The following DSCAML1 variants were observed in gnomAD, a reference collection of about 807,000 sequenced individuals.
DSCAML1 encodes cell adhesion molecule DSCAML1.
DSCAML1 carries 38 observed loss-of-function variants against 200.5 expected under a neutral mutation model. The ratio of observed to expected loss-of-function variants is 0.19; its 90% CI spans 0.15 to 0.25. The LOEUF (loss-of-function observed/expected upper bound fraction) is 0.25, where lower values mean the gene tolerates loss of function less well. Ranked by LOEUF, DSCAML1 falls within the 10% of genes least tolerant of loss-of-function variation. The pLI, the probability that DSCAML1 is intolerant of heterozygous loss-of-function variation, is 1.00. For missense variants in DSCAML1, 2,223 were observed against 2,858.8 expected, an observed-to-expected ratio of 0.78 and a Z score of 5.07; for synonymous variants, 1,215 against 1,165.0, an observed-to-expected ratio of 1.04 and a Z score of -0.87.
chr11:117,569,576 T>C (rs1007505264), intron 3 of DSCAML1, among the ~76,000 whole-genome samples: 1 of 152,206 alleles, frequency 6.6e-6, no homozygotes, highest in Non-Finnish European at 1.5e-5. Context: ...CCCTGCCTAC[T>C]TCCTTTCTAT....
chr11:117,785,093 T>G (rs1000386572), intron 1 of DSCAML1, among the ~76,000 whole-genome samples: 1 of 152,058 alleles, frequency 6.6e-6, no homozygotes, highest in East Asian at 1.9e-4. Context: ...ATTCATTGCC[T>G]CAGGAGATAT....
rs772802859 is a variant in DSCAML1 at position 117,469,898 on chromosome 11, A to G, written c.3024+12T>C. The G allele has an allele frequency of 1.2e-6, 2 of 1,601,658 alleles. No homozygotes were observed. Among genetic ancestry groups the G allele is most frequent in the South Asian group, 2.3e-5 (2 of 88,756 alleles). On this transcript the variant is annotated intron_variant, in intron 16 of 32. Transcript: ENST00000651296. This position sits in a 1 kb window ranked among gnomAD's most constrained non-coding sequence, Gnocchi z 4.1. ...GCAGACATTCCAGGGGAGATGCCTTAGACACACTTACCTTCCAGGTCACCT... is the reference window on the plus strand; with the variant it reads ...GCAGACATTCCAGGGGAGATGCCTTGGACACACTTACCTTCCAGGTCACCT...
At chr11:117,770,385 C>G (rs1055723662) in intron 3 of DSCAML1, among the ~76,000 whole-genome samples, 31 of 152,120 alleles carry the variant, frequency 2.0e-4, no homozygotes, top group African/African-American at 7.5e-4. Context: ...GAGCTTAGGT[C>G]CCCAGTTCTA....
rs1357550680 is a variant in DSCAML1, at chr11:117,482,146, A to G, written c.2376T>C (p.Thr792=). ...TGGCGATGGTGGTGTTGGGGTGGGA[A>G]GTGATCATGGCCGGGACTGGGGGGC... The part of the protein sequence containing the change: ...FLTVKIPAMI[T]SHPNTTIAIK... The change falls in exon 12 of 33, where the codon ACT becomes ACC. Residue 792 remains threonine, a synonymous_variant. Coordinates refer to ENST00000651296, the MANE Select transcript of DSCAML1 (RefSeq NM_020693.4). 6.2e-7 allele frequency: 1 copy of G among 1,614,068 alleles called. No individual in the cohort carries two copies. Among genetic ancestry groups the G allele is most frequent in the South Asian group, 1.1e-5 (1 of 91,082 alleles).
At chr11:117,653,782 T>C (rs11216487) in intron 3 of DSCAML1, among the ~76,000 whole-genome samples, 6,119 of 152,234 alleles carry the variant, frequency 0.04, 170 homozygotes, top group African/African-American at 0.073. Flanking sequence ...TTACTCACAA[T>C]AGGCAAAAGG....
At chr11:117,778,309 G>A (rs1442418463) in intron 2 of DSCAML1, among the ~76,000 whole-genome samples, 1 of 152,220 alleles carries the variant, frequency 6.6e-6, no homozygotes, top group Non-Finnish European at 1.5e-5. Context: ...GAGCACAGAG[G>A]AGAACAAGGG....
intron 3 of DSCAML1, among the ~76,000 whole-genome samples, chr11:117,753,262 C>T (rs563778538): frequency 5.3e-5 from 8 of 152,188 alleles, no homozygotes; most frequent in South Asian, 2.1e-4. Context: ...ATGATGGTGA[C>T]GAAGGAGAGG....
chr11:117,753,489 A>T (rs1279175849), intron 3 of DSCAML1, among the ~76,000 whole-genome samples: 1 of 152,210 alleles, frequency 6.6e-6, no homozygotes, highest in East Asian at 1.9e-4. Flanking sequence ...TTCAAATGAG[A>T]AAAGGAGAAG....
At chr11:117,456,671 C>CTTTTTTTTTTTTTTTTTT (rs10661996) in intron 19 of DSCAML1, among the ~76,000 whole-genome samples, 1 of 142,138 alleles carries the variant, frequency 7.0e-6, no homozygotes, top group Non-Finnish European at 1.5e-5. Context: ...GCAGTCATTT[C>CTTTTTTTTTTTTTTTTTT]TTTTTTTTTT....
chr11:117,431,591 G>A lies in DSCAML1; in HGVS notation c.5317C>T (p.His1773Tyr). 2 of 1,612,014 alleles carry A rather than the reference G, an allele frequency of 1.2e-6. No homozygotes were observed. The highest frequency in any genetic ancestry group is 1.7e-6 in the Non-Finnish European group (2 of 1,178,882). The change falls in exon 31 of 33, where the codon CAT becomes TAT. Residue 1773 changes from histidine (H) to tyrosine (Y), a missense_variant. His to Tyr is a moderately conservative substitution (Grantham distance 83). This residue lies in a region of DSCAML1 where 614 missense variants were observed against 739.1 expected (regional missense o/e 0.83). Transcript: ENST00000651296. ...TCACTCTCAGTGACCGTGACACCATGCTGGGAGCCCACGGTGCGCCAGTCG... is the reference window on the plus strand; with the variant it reads ...TCACTCTCAGTGACCGTGACACCATACTGGGAGCCCACGGTGCGCCAGTCG... ...TSDWRTVGSQ[H>Y]GVTVTESDSY...
intron 20 of DSCAML1, among the ~76,000 whole-genome samples, chr11:117,448,533 G>A (rs996557779): frequency 2.0e-5 from 3 of 151,974 alleles, no homozygotes; most frequent in Non-Finnish European, 4.4e-5. Flanking sequence ...AACGTGCCAC[G>A]GGAAGAAGCC....
chr11:117,619,614 CAT>C (rs904814443), intron 3 of DSCAML1, among the ~76,000 whole-genome samples: 1 of 152,050 alleles, frequency 6.6e-6, no homozygotes, highest in African/African-American at 2.4e-5. Context: ...TTATGGATAA[CAT>C]ATTTTGATTC....
chr11:117,735,143 A>T (rs2054294650), intron 3 of DSCAML1, among the ~76,000 whole-genome samples: 1 of 152,142 alleles, frequency 6.6e-6, no homozygotes, highest in Non-Finnish European at 1.5e-5. Context: ...ACCCCGTAGC[A>T]TCCCCCTTCC....
intron 1 of DSCAML1, among the ~76,000 whole-genome samples, chr11:117,812,038 C>T (rs932220157): frequency 3.9e-5 from 6 of 152,092 alleles, no homozygotes; most frequent in African/African-American, 1.4e-4. Context: ...CTTATTAGGC[C>T]GAGATATTTT....
chr11:117,714,057 C>T (rs186141079), intron 3 of DSCAML1, among the ~76,000 whole-genome samples: 212 of 152,280 alleles, frequency 1.4e-3, no homozygotes, highest in African/African-American at 4.6e-3. Context: ...CCTGAGTCCG[C>T]GTTTCTGCAT....
At position 117,572,161 on chromosome 11, in the gene DSCAML1, C is replaced by T. The variant is rs555802715; in HGVS notation, c.512-39639G>A. On this transcript the variant is annotated intron_variant, in intron 3 of 32. Transcript: ENST00000651296. ...CAAAGTTGCTTTCACTTTATGGACT[C>T]GCCCTGAATTCTTTCTTGCACGAGA... Among the ~76,000 whole-genome samples, 117 of 152,310 alleles carry T rather than the reference C, an allele frequency of 7.7e-4. 1 individual carries two copies. Among genetic ancestry groups the T allele is most frequent in the Non-Finnish European group, 1.4e-3 (96 of 68,032 alleles).
intron 3 of DSCAML1, among the ~76,000 whole-genome samples, chr11:117,673,636 CCTGT>C (rs1366222582): frequency 6.6e-6 from 1 of 152,176 alleles, no homozygotes; most frequent in African/African-American, 2.4e-5. Context: ...CCTCCTGCTC[CCTGT>C]CTAATTGGAC....
chr11:117,644,811 A>G lies in DSCAML1; in HGVS notation c.512-112289T>C, dbSNP rs1565847341. ...CTCCACTCTCAAATAGCTACCAGGG[A>G]CTATGGTTGGTGTGGTCAAGGGATC... On this transcript the variant is annotated intron_variant, in intron 3 of 32. Coordinates refer to ENST00000651296, the MANE Select transcript of DSCAML1 (RefSeq NM_020693.4). Among the ~76,000 whole-genome samples, 3 of 152,312 alleles carry G rather than the reference A, an allele frequency of 2.0e-5. No individual in the cohort carries two copies. In the East Asian group the frequency reaches 5.8e-4, roughly 29 times the overall value.
At chr11:117,656,420 A>G (rs1472193403) in intron 3 of DSCAML1, among the ~76,000 whole-genome samples, 6 of 152,212 alleles carry the variant, frequency 3.9e-5, no homozygotes, top group African/African-American at 1.4e-4. Flanking sequence ...GGTTCTCAGG[A>G]TAAGGGTGAT....
Sources: allele counts gnomAD v4.1 joint callset (sites outside exome capture counted in the v4.1 genomes callset), GRCh38; gene constraint gnomAD v4.1.1; regional missense constraint gnomAD v4.1.1; non-coding constraint Gnocchi (gnomAD v3.1); transcripts MANE v1.5; gene names NCBI Gene and HGNC (gene_info 2026-07-23, HGNC 2026-07-21).